The following NFATC3 variants were observed in gnomAD, a reference collection of about 807,000 sequenced individuals.
The protein encoded by NFATC3 is nuclear factor of activated T-cells, cytoplasmic 3.
A neutral mutation model predicts 98.6 loss-of-function variants in NFATC3; 46 were observed. The ratio of observed to expected loss-of-function variants is 0.47; its 90% CI spans 0.37 to 0.60. The LOEUF is 0.60. NFATC3 is among the 20% of genes least tolerant of loss of function. NFATC3 has a pLI of 0.00. For synonymous variants in NFATC3, 512 were observed against 472.2 expected, an observed-to-expected ratio of 1.08 and a Z score of -1.09; for missense variants, 1,256 against 1,295.5, an observed-to-expected ratio of 0.97 and a Z score of 0.47.
In NFATC3 at chr16:68,101,576, C is replaced by T. The variant is rs148197854; in HGVS notation, c.103+15792C>T. Among the ~76,000 whole-genome samples the T allele has an allele frequency of 3.7e-3, 557 of 152,014 alleles. 6 individuals carry two copies. The highest frequency in any genetic ancestry group is 0.012 in the African/African-American group (507 of 41,482). On this transcript the variant is annotated intron_variant, in intron 1 of 9. Coordinates refer to ENST00000346183, the MANE Select transcript of NFATC3 (RefSeq NM_173165.3). ...TCGGCTCACTGCAAGCTCCGCCTCC[C>T]GGGTTCACGCCATTCTCTTGTCTCA...
chr16:68,107,921 T>A (rs1225139534), intron 1 of NFATC3, among the ~76,000 whole-genome samples: 8 of 151,202 alleles, frequency 5.3e-5, no homozygotes, highest in African/African-American at 1.2e-4. Context: ...GTGGTTTATT[T>A]TTTTTTTTTT....
chr16:68,123,497 CA>C (rs547564860), intron 2 of NFATC3, among the ~76,000 whole-genome samples: 21,208 of 74,186 alleles, frequency 0.29, 1,590 homozygotes, highest in African/African-American at 0.37. Context: ...CCTGTCTCTA[CA>C]AAAAAAAAAA....
At chr16:68,138,916 T>A in intron 3 of NFATC3, 2 of 493,334 alleles carry the variant, frequency 4.1e-6, no homozygotes, top group Non-Finnish European at 6.2e-6. Flanking sequence ...CTTGACCAAG[T>A]AACTTAACCT....
chr16:68,209,566 T>A, intron 9 of NFATC3: 1 of 322,564 alleles, frequency 3.1e-6, no homozygotes, highest in Non-Finnish European at 6.2e-6. Context: ...CACGTGGAAT[T>A]TGCAAAGCTG....
chr16:68,085,759 G>GCCGCCC lies in NFATC3; in HGVS notation c.82_87dup (p.Pro28_Pro29dup). ...TTGGCGAGGACGGGGCGCCGGCGCCGCCGCCCCCGGGCTCGCGGCCTGCAG... is the reference window on the plus strand; with the variant it reads ...TTGGCGAGGACGGGGCGCCGGCGCCGCCGCCCCCGCCCCCGGGCTCGCGGCCTGCAG... On this transcript the variant is annotated inframe_insertion, in exon 1 of 10. Transcript: ENST00000346183. 6.7e-7 allele frequency: 1 copy of GCCGCCC among 1,499,726 alleles called. No individual in the cohort carries two copies. Among genetic ancestry groups the GCCGCCC allele is most frequent in the Non-Finnish European group, 8.9e-7 (1 of 1,129,220 alleles). 92.9% of individuals were successfully genotyped at this position (1,499,726 alleles called of 1,614,324 possible).
At chr16:68,184,350 A>G (rs1598530562) in intron 8 of NFATC3, among the ~76,000 whole-genome samples, 2 of 152,334 alleles carry the variant, frequency 1.3e-5, no homozygotes, top group East Asian at 3.9e-4. Flanking sequence ...AGATGGATGT[A>G]GATGAAAAAA....
In NFATC3 at chr16:68,175,071, C is replaced by T. The variant is rs538327569; in HGVS notation, c.1915+557C>T. ...ATAAACAAAATGTGATATATCCATA[C>T]AATGGAATATTACTTGGTTATAAAA... is the stretch of plus-strand genomic sequence containing the variant. On this transcript the variant is annotated intron_variant, in intron 6 of 9. Coordinates refer to ENST00000346183, the MANE Select transcript of NFATC3 (RefSeq NM_173165.3). Among the ~76,000 whole-genome samples the T allele has an allele frequency of 5.3e-5, 8 of 152,228 alleles. No individual in the cohort carries two copies. In the East Asian group the frequency reaches 1.3e-3, roughly 26 times the overall value.
intron 1 of NFATC3, among the ~76,000 whole-genome samples, chr16:68,116,300 G>A (rs1054421735): frequency 4.6e-5 from 7 of 151,960 alleles, no homozygotes; most frequent in African/African-American, 1.7e-4. Context: ...GATTTTAAAT[G>A]TGGCCTACCA....
rs2039227060 is a variant in NFATC3, at chr16:68,167,029, T to G, written c.1774+14T>G. The G allele has an allele frequency of 6.2e-7, 1 of 1,604,938 alleles. No homozygotes were observed. Among genetic ancestry groups the G allele is most frequent in the Non-Finnish European group, 8.5e-7 (1 of 1,175,224 alleles). ...CCGTTGAGTGCTGTAAGTGAGCTTG[T>G]GATGATGTTTTAAGATCTTGTGTAT... On this transcript the variant is annotated intron_variant, in intron 5 of 9. Transcript: ENST00000346183.
At position 68,113,087 on chromosome 16, in the gene NFATC3, G is replaced by A. The variant is rs145822113; in HGVS notation, c.104-8900G>A. ...TACCTACCTTTTGAAGCCTACTTCT[G>A]TCAATTCATTCTTCTCTGCCTCAGC... is the stretch of plus-strand genomic sequence containing the variant. On this transcript the variant is annotated intron_variant, in intron 1 of 9. Coordinates refer to ENST00000346183, the MANE Select transcript of NFATC3 (RefSeq NM_173165.3). 5.3e-3 allele frequency among the ~76,000 whole-genome samples: 804 copies of A among 152,244 alleles called. 3 individuals are homozygous for A. The highest frequency in any genetic ancestry group is 0.018 in the African/African-American group (745 of 41,542).
At chr16:68,214,643 A>C (rs570763649) in intron 9 of NFATC3, among the ~76,000 whole-genome samples, 55 of 152,314 alleles carry the variant, frequency 3.6e-4, no homozygotes, top group East Asian at 7.7e-4. Flanking sequence ...TTATGATTTT[A>C]TTCTTGAATG....
intron 9 of NFATC3, chr16:68,209,883 A>G (rs979472928): frequency 8.4e-6 from 2 of 238,726 alleles, no homozygotes; most frequent in African/African-American, 4.7e-5. Context: ...AGTCACACTC[A>G]CTCTGGGCAT....
intron 1 of NFATC3, among the ~76,000 whole-genome samples, chr16:68,087,795 A>G (rs2034472016): frequency 6.6e-6 from 1 of 152,182 alleles, no homozygotes. Context: ...TAAATAGGAT[A>G]ATATAATATG....
intron 3 of NFATC3, among the ~76,000 whole-genome samples, chr16:68,143,371 G>A (rs2037860900): frequency 6.6e-6 from 1 of 152,064 alleles, no homozygotes; most frequent in African/African-American, 2.4e-5. Flanking sequence ...ATTTAAAATA[G>A]GTAATAGTAA....
intron 1 of NFATC3, among the ~76,000 whole-genome samples, chr16:68,107,497 C>T (rs913639872): frequency 2.6e-5 from 4 of 152,074 alleles, no homozygotes; most frequent in African/African-American, 4.8e-5. Context: ...CCGGGGCGGG[C>T]GGATCAGTTG....
intron 9 of NFATC3, among the ~76,000 whole-genome samples, chr16:68,223,571 C>T (rs548212515): frequency 5.3e-5 from 8 of 152,164 alleles, no homozygotes; most frequent in East Asian, 3.9e-4. Flanking sequence ...CACTGCACTC[C>T]GGTCTGGGTA....
chr16:68,136,686 G>A (rs1406244861), intron 3 of NFATC3, among the ~76,000 whole-genome samples: 1 of 152,134 alleles, frequency 6.6e-6, no homozygotes, highest in African/African-American at 2.4e-5. Context: ...CGATTTCCTT[G>A]TTGTATGAAC....
chr16:68,094,001 T>C (rs2034871506), intron 1 of NFATC3, among the ~76,000 whole-genome samples: 1 of 152,218 alleles, frequency 6.6e-6, no homozygotes. Flanking sequence ...TGAGGGATGC[T>C]TCTTATTCCT....
intron 3 of NFATC3, among the ~76,000 whole-genome samples, chr16:68,154,394 T>G (rs2038501595): frequency 6.6e-6 from 1 of 152,210 alleles, no homozygotes; most frequent in South Asian, 2.1e-4. Flanking sequence ...TTTATGATCC[T>G]GCCTCCACCC....
Sources: allele counts gnomAD v4.1 joint callset (sites outside exome capture counted in the v4.1 genomes callset), GRCh38; gene constraint gnomAD v4.1.1; transcripts MANE v1.5; gene names NCBI Gene and HGNC (gene_info 2026-07-23, HGNC 2026-07-21).